Variants in CD38 observed in about 807,000 individuals in gnomAD.
The protein encoded by CD38 is ADP-ribosyl cyclase/cyclic ADP-ribose hydrolase 1.
Under a neutral mutation model 36.3 loss-of-function variants are expected in CD38, and 31 were observed. That is an observed-to-expected ratio of 0.85 (90% CI 0.64 to 1.15). The LOEUF is 1.15. Ranked by LOEUF, CD38 falls within the 50% of genes most tolerant of loss-of-function variation. The probability of loss-of-function intolerance (pLI) is 0.00; values close to 1 mark genes in which losing one functional copy is unlikely to be tolerated. For missense variants in CD38, 380 were observed against 371.9 expected (o/e 1.02, Z -0.18); for synonymous variants, 131 against 135.2 (o/e 0.97, Z 0.22).
At chr4:15,833,568 G>A (rs535124948) in intron 3 of CD38, among the ~76,000 whole-genome samples, 2 of 152,188 alleles carry the variant, frequency 1.3e-5, no homozygotes, top group African/African-American at 4.8e-5. Flanking sequence ...AAGACTCCTA[G>A]AATTACTATA....
chr4:15,798,239 G>A (rs1307183703), intron 1 of CD38, among the ~76,000 whole-genome samples: 1 of 152,148 alleles, frequency 6.6e-6, no homozygotes, highest in Admixed American at 6.5e-5. Context: ...ATCCAGAAGT[G>A]GGGTGGTCAT....
At chr4:15,831,313 A>G (rs1027904587) in intron 3 of CD38, among the ~76,000 whole-genome samples, 3 of 152,214 alleles carry the variant, frequency 2.0e-5, no homozygotes, top group Non-Finnish European at 4.4e-5. Context: ...AGTAGTTTAC[A>G]CGTCATAGTT....
At chr4:15,783,653 G>A (rs1221095239) in intron 1 of CD38, among the ~76,000 whole-genome samples, 1 of 152,202 alleles carries the variant, frequency 6.6e-6, no homozygotes, top group East Asian at 1.9e-4. Context: ...AGTAGAAATT[G>A]TGGGAGACTT....
chr4:15,814,953 T>C (rs575993985), intron 1 of CD38, among the ~76,000 whole-genome samples: 1 of 151,966 alleles, frequency 6.6e-6, no homozygotes, highest in African/African-American at 2.4e-5. Flanking sequence ...ATTACAGGCA[T>C]GTATCACCGC....
intron 3 of CD38, among the ~76,000 whole-genome samples, chr4:15,827,629 C>G (rs1723876423): frequency 1.3e-5 from 2 of 151,820 alleles, no homozygotes; most frequent in Admixed American, 1.3e-4. Flanking sequence ...TAACATTTAG[C>G]TTTTAAATGT....
intron 3 of CD38, among the ~76,000 whole-genome samples, chr4:15,830,440 T>G (rs72616182): frequency 0.059 from 8,986 of 152,298 alleles, 364 homozygotes; most frequent in East Asian, 0.18. Context: ...ATTGGATTAT[T>G]AGATTTCTTT....
At chr4:15,839,119 TTTTAATA>T (rs1412277648) in intron 5 of CD38, among the ~76,000 whole-genome samples, 1 of 152,236 alleles carries the variant, frequency 6.6e-6, no homozygotes, top group Non-Finnish European at 1.5e-5. Flanking sequence ...TTCTCTCCTG[TTTTAATA>T]TTTAATTCTA....
At chr4:15,794,968 A>G (rs1723077850) in intron 1 of CD38, among the ~76,000 whole-genome samples, 1 of 152,216 alleles carries the variant, frequency 6.6e-6, no homozygotes, top group Non-Finnish European at 1.5e-5. Context: ...TTGCTTTTAT[A>G]GAGGGAATGA....
intron 5 of CD38, 133 bp downstream of exon 5, chr4:15,838,298 T>C: frequency 1.4e-6 from 1 of 708,376 alleles, no homozygotes; most frequent in Non-Finnish European, 2.4e-6. Flanking sequence ...AAGGTAAAAA[T>C]TTTGAATTCC....
intron 2 of CD38, among the ~76,000 whole-genome samples, chr4:15,819,801 A>G (rs1272835122): frequency 1.3e-5 from 2 of 152,222 alleles, no homozygotes; most frequent in African/African-American, 4.8e-5. Flanking sequence ...GAAGAATGAA[A>G]CCACGTTGGA....
intron 1 of CD38, among the ~76,000 whole-genome samples, chr4:15,781,212 G>A (rs1482568293): frequency 6.6e-6 from 1 of 152,136 alleles, no homozygotes; most frequent in African/African-American, 2.4e-5. Context: ...TTTGTATTGT[G>A]ACAGGTGACA....
intron 4 of CD38, among the ~76,000 whole-genome samples, chr4:15,835,704 G>C (rs964225582): frequency 1.3e-5 from 2 of 151,704 alleles, no homozygotes; most frequent in African/African-American, 4.8e-5. Flanking sequence ...GTAGAGACAG[G>C]GTTTCACTAT....
intron 1 of CD38, among the ~76,000 whole-genome samples, chr4:15,815,766 G>T (rs926080106): frequency 6.6e-6 from 1 of 152,042 alleles, no homozygotes; most frequent in Admixed American, 6.6e-5. Context: ...TATTTCTTAT[G>T]TCTGATTGCC....
intron 1 of CD38, among the ~76,000 whole-genome samples, chr4:15,808,427 T>A (rs976772356): frequency 2.0e-5 from 3 of 152,226 alleles, no homozygotes; most frequent in East Asian, 3.8e-4. Context: ...TTCCATTTCC[T>A]AAGACCCTCC....
At chr4:15,791,176 G>C (rs1485634673) in intron 1 of CD38, among the ~76,000 whole-genome samples, 2 of 106,732 alleles carry the variant, frequency 1.9e-5, no homozygotes, top group Non-Finnish European at 3.7e-5. Context: ...AGGGAGGTGG[G>C]GGGGTCAGCC....
At chr4:15,819,344 T>C (rs1723682467) in intron 2 of CD38, among the ~76,000 whole-genome samples, 1 of 147,788 alleles carries the variant, frequency 6.8e-6, no homozygotes, top group Admixed American at 6.8e-5. Flanking sequence ...AAACAAAAGA[T>C]ACTAGCTACA....
At chr4:15,786,702 G>C (rs932491879) in intron 1 of CD38, among the ~76,000 whole-genome samples, 1 of 152,238 alleles carries the variant, frequency 6.6e-6, no homozygotes, top group African/African-American at 2.4e-5. Flanking sequence ...TCAGCAGGCG[G>C]AGCTGCCTGC....
intron 4 of CD38, among the ~76,000 whole-genome samples, chr4:15,836,282 G>C (rs187419180): frequency 3.9e-5 from 6 of 152,242 alleles, no homozygotes; most frequent in Non-Finnish European, 1.5e-5. Context: ...TTCTTGCTGT[G>C]TCCTTACATG....
chr4:15,816,602 C>T lies in CD38; in HGVS notation c.325C>T (p.Leu109=), dbSNP rs909560435. Reference sequence around the variant, plus strand: ...CATTACTGAAGAAGACTATCAGCCACTAATGAAGTTGGGAACTCAGACCGT... The same window carrying T: ...CATTACTGAAGAAGACTATCAGCCATTAATGAAGTTGGGAACTCAGACCGT... ...CNITEEDYQP[L]MKLGTQTVPC... The change falls in exon 2 of 8, where the codon CTA becomes TTA. Residue 109 remains leucine (L), a synonymous_variant. Coordinates refer to ENST00000226279, the MANE Select transcript of CD38 (RefSeq NM_001775.4). 6.2e-7 allele frequency: 1 copy of T among 1,613,826 alleles called. No individual in the cohort carries two copies. The highest frequency in any genetic ancestry group is 1.7e-5 in the Admixed American group (1 of 59,996).
Sources: gnomAD v4.1 joint callset for allele counts (sites outside exome capture counted in the v4.1 genomes callset) on GRCh38, gnomAD v4.1.1 for gene constraint, MANE v1.5 for transcripts, NCBI Gene and HGNC (gene_info 2026-07-23, HGNC 2026-07-21) for gene names.